ANKS1B: variants seen among roughly 807,000 people sequenced by gnomAD.
ANKS1B encodes ankyrin repeat and sterile alpha motif domain-containing protein 1B.
Under a neutral mutation model 148.3 loss-of-function variants are expected in ANKS1B, and 36 were observed. The ratio of observed to expected loss-of-function variants is 0.24; its 90% CI spans 0.19 to 0.32. The LOEUF (loss-of-function observed/expected upper bound fraction) is 0.32, where lower values mean the gene tolerates loss of function less well. ANKS1B is among the 10% of genes least tolerant of loss of function. The pLI is 1.00. For synonymous variants in ANKS1B, 542 were observed against 560.8 expected, an observed-to-expected ratio of 0.97 and a Z score of 0.47; for missense variants, 1,157 against 1,542.6, an observed-to-expected ratio of 0.75 and a Z score of 4.19.
chr12:99,116,057 C>T (rs956727805), intron 15 of ANKS1B, among the ~76,000 whole-genome samples: 6 of 151,876 alleles, frequency 4.0e-5, no homozygotes, highest in Admixed American at 1.3e-4. Flanking sequence ...TCAATTTCCT[C>T]ATCATTAAAC....
intron 17 of ANKS1B, among the ~76,000 whole-genome samples, chr12:98,837,175 C>CA (rs11382425): frequency 0.63 from 92,235 of 145,590 alleles, 31,891 homozygotes; most frequent in East Asian, 0.92. Flanking sequence ...ATTAAAAATA[C>CA]AAAAAAAAAA....
In ANKS1B at chr12:98,966,713, G is replaced by GCAGC. The variant is rs1322465928; in HGVS notation, c.2778+86440_2778+86443dup. Among the ~76,000 whole-genome samples, 4 of 152,054 alleles carry GCAGC rather than the reference G, an allele frequency of 2.6e-5. No individual in the cohort carries two copies. The East Asian group carries it at 7.8e-4, about 29-fold the overall frequency. On this transcript the variant is annotated intron_variant, in intron 17 of 26. Transcript: ENST00000683438. The stretch of plus-strand genomic sequence containing the variant: ...GCACTTATACACCATGGAATACTAT[G>GCAGC]CAGCCATGAGTTCATGTCCTTTGTA...
At chr12:99,340,729 A>T (rs1410661759) in intron 12 of ANKS1B, among the ~76,000 whole-genome samples, 1 of 152,054 alleles carries the variant, frequency 6.6e-6, no homozygotes, top group Non-Finnish European at 1.5e-5. Flanking sequence ...TACCTTACAC[A>T]GTGGTCATAA....
At chr12:99,306,647 G>A (rs2154023579) in intron 12 of ANKS1B, among the ~76,000 whole-genome samples, 1 of 152,236 alleles carries the variant, frequency 6.6e-6, no homozygotes, top group African/African-American at 2.4e-5. Flanking sequence ...TATGTGCTAA[G>A]CAGGTCCAAA....
intron 1 of ANKS1B, among the ~76,000 whole-genome samples, chr12:99,863,357 C>T (rs1242242413): frequency 6.6e-6 from 1 of 152,172 alleles, no homozygotes. Context: ...ACACCATTCT[C>T]TCAATCCTTC....
chr12:99,193,648 A>T (rs2081018833), intron 14 of ANKS1B, among the ~76,000 whole-genome samples: 1 of 151,948 alleles, frequency 6.6e-6, no homozygotes, highest in South Asian at 2.1e-4. Flanking sequence ...GGTGAGGAAA[A>T]GATACTTCTT....
chr12:99,153,845 G>T (rs540402632), intron 15 of ANKS1B, among the ~76,000 whole-genome samples: 40 of 152,170 alleles, frequency 2.6e-4, no homozygotes, highest in Non-Finnish European at 4.9e-4. Flanking sequence ...ATCAGGAAAA[G>T]AAATGATCTT....
At chr12:99,302,216 T>C (rs1475082653) in intron 12 of ANKS1B, among the ~76,000 whole-genome samples, 1 of 152,162 alleles carries the variant, frequency 6.6e-6, no homozygotes, top group Non-Finnish European at 1.5e-5. Flanking sequence ...TGTGCAATTA[T>C]GTACATGACA....
chr12:99,591,016 T>C (rs955123277), intron 9 of ANKS1B, among the ~76,000 whole-genome samples: 36 of 149,838 alleles, frequency 2.4e-4, no homozygotes, highest in African/African-American at 8.3e-4. Context: ...ATATTTTAAG[T>C]TCTTTCGGGT....
At chr12:99,579,155 A>T (rs2097546506) in intron 9 of ANKS1B, among the ~76,000 whole-genome samples, 1 of 152,180 alleles carries the variant, frequency 6.6e-6, no homozygotes, top group Non-Finnish European at 1.5e-5. Flanking sequence ...TATGCAGAAG[A>T]TTGAAACTGG....
At chr12:99,496,936 C>T (rs1426495356) in intron 10 of ANKS1B, among the ~76,000 whole-genome samples, 1 of 152,126 alleles carries the variant, frequency 6.6e-6, no homozygotes, top group Non-Finnish European at 1.5e-5. Flanking sequence ...TACTGTGGCC[C>T]AAGCATCCTC....
intron 12 of ANKS1B, among the ~76,000 whole-genome samples, chr12:99,397,291 TA>T (rs1387703317): frequency 1.3e-5 from 2 of 152,162 alleles, no homozygotes; most frequent in Non-Finnish European, 2.9e-5. Context: ...AATTCATTGT[TA>T]ATCTAATTCT....
intron 10 of ANKS1B, among the ~76,000 whole-genome samples, chr12:99,494,239 T>C (rs1401706144): frequency 1.3e-5 from 2 of 151,908 alleles, no homozygotes; most frequent in Non-Finnish European, 1.5e-5. Context: ...CACAGAGTAA[T>C]GGGGAATAGA....
At chr12:98,863,225 T>C (rs1011629501) in intron 17 of ANKS1B, among the ~76,000 whole-genome samples, 1 of 152,232 alleles carries the variant, frequency 6.6e-6, no homozygotes, top group Non-Finnish European at 1.5e-5. Flanking sequence ...TAAGTGTTTA[T>C]TAACCATAAT....
chr12:98,871,037 G>C (rs574129608), intron 17 of ANKS1B, among the ~76,000 whole-genome samples: 1 of 152,112 alleles, frequency 6.6e-6, no homozygotes, highest in African/African-American at 2.4e-5. Flanking sequence ...TTGAATTGAG[G>C]TCAGGTCTTT....
At chr12:98,896,006 A>T (rs1046228332) in intron 17 of ANKS1B, among the ~76,000 whole-genome samples, 2 of 152,234 alleles carry the variant, frequency 1.3e-5, no homozygotes, top group African/African-American at 4.8e-5. Context: ...TACAAGTTCC[A>T]TCCGTAAGTG....
At chr12:98,943,807 T>C (rs533005063) in intron 17 of ANKS1B, among the ~76,000 whole-genome samples, 8 of 152,352 alleles carry the variant, frequency 5.3e-5, no homozygotes, top group African/African-American at 1.9e-4. Context: ...GAGTGGGATG[T>C]AGACATCTTT....
chr12:98,856,780 G>A lies in ANKS1B; in HGVS notation c.2779-24644C>T, dbSNP rs374837507. On this transcript the variant is annotated intron_variant, in intron 17 of 26. Transcript: ENST00000683438. ...ACTAGCTGGGGACAAAAAAGGAAGA[G>A]CCCAAACAGTTTTTAAAGCAGAATC... is the stretch of plus-strand genomic sequence containing the variant. Among the ~76,000 whole-genome samples, 5 of 152,224 alleles carry A rather than the reference G, an allele frequency of 3.3e-5. 1 individual carries two copies. Among genetic ancestry groups the A allele is most frequent in the South Asian group, 2.1e-4 (1 of 4,810 alleles).
In ANKS1B at chr12:98,974,058, A is replaced by G. The variant is rs544101613; in HGVS notation, c.2778+79099T>C. On this transcript the variant is annotated intron_variant, in intron 17 of 26. Transcript: ENST00000683438. ...AGAGGACTACTATATGGAAAGTCAG[A>G]GTTAGAGAGCTTTTGTAGGTTATGT... Among the ~76,000 whole-genome samples, 5 of 152,250 alleles carry G rather than the reference A, an allele frequency of 3.3e-5. No homozygotes were observed. The South Asian group carries it at 8.3e-4, about 25-fold the overall frequency.
Sources: allele counts gnomAD v4.1 joint callset (sites outside exome capture counted in the v4.1 genomes callset), GRCh38; gene constraint gnomAD v4.1.1; transcripts MANE v1.5; gene names NCBI Gene and HGNC (gene_info 2026-07-23, HGNC 2026-07-21).